The following IKZF2 variants were observed in gnomAD, a reference collection of about 807,000 sequenced individuals.
IKZF2 encodes IKAROS family zinc finger 2, also known as zinc finger protein Helios.
IKZF2 carries 15 observed loss-of-function variants against 49.2 expected under a neutral mutation model. The ratio of observed to expected loss-of-function variants is 0.30; its 90% confidence interval spans 0.20 to 0.47. The LOEUF (loss-of-function observed/expected upper bound fraction) is 0.47. IKZF2 is among the 20% of genes least tolerant of loss of function. The pLI is 1.00. For synonymous variants in IKZF2, 227 were observed against 221.4 expected (o/e 1.03, Z -0.23); for missense variants, 567 against 664.6 (o/e 0.85, Z 1.61).
chr2:213,121,717 G>A (rs1025451250), intron 4 of IKZF2, among the ~76,000 whole-genome samples: 1 of 152,130 alleles, frequency 6.6e-6, no homozygotes, highest in African/African-American at 2.4e-5. Context: ...TATAACCACA[G>A]CATTGGTTTA....
At chr2:213,101,651 G>A (rs1406393702) in intron 4 of IKZF2, among the ~76,000 whole-genome samples, 3 of 151,986 alleles carry the variant, frequency 2.0e-5, no homozygotes, top group Non-Finnish European at 4.4e-5. Flanking sequence ...GTCCACAAAG[G>A]AAAGTACGAC....
In IKZF2 at chr2:213,046,758, T is replaced by C. The variant is rs1230215004; in HGVS notation, c.574+2955A>G. ...GTAATGATATGGTATTCTATGTAAA[T>C]TCTCTCCAGAGGGCATTCACTGTAG... On this transcript the variant is annotated intron_variant, in intron 6 of 8. Coordinates refer to ENST00000434687, the MANE Select transcript of IKZF2 (RefSeq NM_001387220.1). Among the ~76,000 whole-genome samples, 4 of 152,086 alleles carry C rather than the reference T, an allele frequency of 2.6e-5. No individual in the cohort carries two copies. The East Asian group carries it at 7.7e-4, about 29-fold the overall frequency.
chr2:213,071,089 G>A (rs1702651801), intron 4 of IKZF2, among the ~76,000 whole-genome samples: 1 of 152,082 alleles, frequency 6.6e-6, no homozygotes, highest in African/African-American at 2.4e-5. Context: ...ACATCACAAT[G>A]TTGAATAATA....
Position 213,002,643 on chromosome 2 carries a change from C to T in IKZF2, c.*4717G>A, listed in dbSNP as rs1487438551. 1.3e-5 allele frequency: 2 copies of T among 151,792 alleles called. No individual in the cohort carries two copies. Among genetic ancestry groups the T allele is most frequent in the African/African-American group, 4.8e-5 (2 of 41,346 alleles). The allele number at this position is 151,792 out of a possible 1,614,324, so 9.4% of individuals were successfully genotyped here. A position where few individuals can be genotyped will look rare whatever the true frequency, so the allele number is the denominator to read the frequency against. The stretch of plus-strand genomic sequence containing the variant: ...TGATATGAAACCATTTGAGATTATG[C>T]TTTGGAGAATAGCAATGTGATATGA... On this transcript the variant is annotated 3_prime_UTR_variant, in exon 9 of 9. Coordinates refer to ENST00000434687, the MANE Select transcript of IKZF2 (RefSeq NM_001387220.1).
intron 8 of IKZF2, among the ~76,000 whole-genome samples, chr2:213,010,675 G>C (rs1695849600): frequency 6.6e-6 from 1 of 152,012 alleles, no homozygotes; most frequent in Non-Finnish European, 1.5e-5. Flanking sequence ...CCATACATGT[G>C]TGTGTGAGAC....
In IKZF2 at chr2:213,124,229, C is replaced by T. The variant is rs564915669; in HGVS notation, c.139+23479G>A. On this transcript the variant is annotated intron_variant, in intron 4 of 8. Transcript: ENST00000434687. ...ATGGGTGCATGTCCTTGTGTGCACGCACACATGCGCTCGCGCGCGCGCGCA... is the reference window on the plus strand; with the variant it reads ...ATGGGTGCATGTCCTTGTGTGCACGTACACATGCGCTCGCGCGCGCGCGCA... Among the ~76,000 whole-genome samples, 5 of 139,176 alleles carry T rather than the reference C, an allele frequency of 3.6e-5. No homozygotes were observed. In the East Asian group the frequency reaches 7.1e-4, roughly 20 times the overall value. The allele number at this position is 139,176 out of a possible 152,430, so 91.3% of individuals were successfully genotyped here.
intron 4 of IKZF2, among the ~76,000 whole-genome samples, chr2:213,084,774 T>C (rs1704379061): frequency 2.0e-5 from 3 of 152,344 alleles, no homozygotes; most frequent in African/African-American, 7.2e-5. Flanking sequence ...CTTGTTGAAG[T>C]TGTACTTTGT....
chr2:213,130,205 C>A (rs1389148524), intron 4 of IKZF2, among the ~76,000 whole-genome samples: 1 of 152,010 alleles, frequency 6.6e-6, no homozygotes. Flanking sequence ...ATCCCAATAG[C>A]CAGTAATCTA....
intron 4 of IKZF2, among the ~76,000 whole-genome samples, chr2:213,135,737 A>G (rs2060632911): frequency 6.6e-6 from 1 of 151,974 alleles, no homozygotes. Flanking sequence ...AAAGAAAGAG[A>G]GAAAGAAGAA....
chr2:213,128,337 G>T (rs990561738), intron 4 of IKZF2, among the ~76,000 whole-genome samples: 13 of 152,038 alleles, frequency 8.6e-5, no homozygotes, highest in African/African-American at 2.9e-4. Context: ...AAAACTTAAG[G>T]CAAGTATTAT....
chr2:213,099,201 CT>C (rs775985756), intron 4 of IKZF2, among the ~76,000 whole-genome samples: 2 of 152,024 alleles, frequency 1.3e-5, no homozygotes, highest in Non-Finnish European at 2.9e-5. Context: ...AGTCAGCCTC[CT>C]CCCCCCATCC....
chr2:213,137,865 G>A (rs548463520), intron 4 of IKZF2, among the ~76,000 whole-genome samples: 9 of 152,110 alleles, frequency 5.9e-5, no homozygotes, highest in East Asian at 5.8e-4. Context: ...ACACAGCAAC[G>A]TAGTACCCTA....
At chr2:213,013,605 A>G (rs1696223085) in intron 8 of IKZF2, among the ~76,000 whole-genome samples, 186 bp downstream of exon 8, 1 of 151,966 alleles carries the variant, frequency 6.6e-6, no homozygotes, top group African/African-American at 2.4e-5. Flanking sequence ...TCTCATATGT[A>G]TTTGTGTGTG....
intron 6 of IKZF2, among the ~76,000 whole-genome samples, chr2:213,037,522 T>C (rs963624221): frequency 5.9e-5 from 9 of 152,172 alleles, no homozygotes; most frequent in African/African-American, 2.2e-4. Context: ...AAATGGGCTG[T>C]CTTACAGCCG....
At chr2:213,027,505 G>C (rs1403902089) in intron 6 of IKZF2, among the ~76,000 whole-genome samples, 1 of 152,050 alleles carries the variant, frequency 6.6e-6, no homozygotes, top group Non-Finnish European at 1.5e-5. Flanking sequence ...ATAGGTCCTT[G>C]CCAGTCTCAC....
chr2:213,124,246 GCGCGCGCACACACACACACA>G (rs1225853631), intron 4 of IKZF2, among the ~76,000 whole-genome samples: 7 of 102,484 alleles, frequency 6.8e-5, no homozygotes, highest in Admixed American at 2.7e-4. Context: ...GCGCTCGCGC[GCGCGCGCACACACACACACA>G]CACACACACA....
chr2:213,016,060 C>A (rs532759499), intron 7 of IKZF2, among the ~76,000 whole-genome samples: 1 of 152,230 alleles, frequency 6.6e-6, no homozygotes, highest in East Asian at 1.9e-4. Flanking sequence ...TGGCAGAGTT[C>A]TGATCTAATT....
At chr2:213,080,179 G>GAGATAGATAGATAGAT (rs6147162) in intron 4 of IKZF2, among the ~76,000 whole-genome samples, 6,336 of 97,188 alleles carry the variant, frequency 0.065, 254 homozygotes, top group African/African-American at 0.12. Context: ...AATCTATATA[G>GAGATAGATAGATAGAT]AGATAGATAG....
At chr2:213,110,876 T>C (rs1196477317) in intron 4 of IKZF2, among the ~76,000 whole-genome samples, 2 of 151,984 alleles carry the variant, frequency 1.3e-5, no homozygotes, top group African/African-American at 2.4e-5. Flanking sequence ...TACCTCCTAT[T>C]TTGGGTGAAG....
Sources: gnomAD v4.1 joint callset for allele counts (sites outside exome capture counted in the v4.1 genomes callset) on GRCh38, gnomAD v4.1.1 for gene constraint, MANE v1.5 for transcripts, NCBI Gene and HGNC (gene_info 2026-07-23, HGNC 2026-07-21) for gene names.